Variants in C1QTNF1 observed in about 807,000 individuals in gnomAD.
C1QTNF1 encodes complement C1q tumor necrosis factor-related protein 1.
In C1QTNF1, 22 loss-of-function variants were observed where a neutral mutation model predicts 27.8. The observed-to-expected ratio is 0.79, with a 90% CI of 0.56 to 1.13. The LOEUF is 1.13. Among genes scored for constraint, C1QTNF1 ranks in the 50% most tolerant of loss-of-function variants. C1QTNF1 has a pLI of 0.00. For synonymous variants in C1QTNF1, 166 were observed against 154.3 expected, an observed-to-expected ratio of 1.08 and a Z score of -0.56; for missense variants, 373 against 380.2, an observed-to-expected ratio of 0.98 and a Z score of 0.16.
Position 79,043,948 on chromosome 17 carries a change from C to A in C1QTNF1, c.-14-7C>A. 1 of 1,613,726 alleles carries A rather than the reference C, an allele frequency of 6.2e-7. No homozygotes were observed. Among genetic ancestry groups the A allele is most frequent in the Non-Finnish European group, 8.5e-7 (1 of 1,180,010 alleles). On this transcript the variant is annotated splice_region_variant and splice_polypyrimidine_tract_variant and intron_variant, in intron 1 of 3. Transcript: ENST00000579760. ...GGTGCCTTCCCTGTGTGTTTCTTTCCCACCAGGGCCCGGCAGGAAGATGGG... is the reference window on the plus strand; with the variant it reads ...GGTGCCTTCCCTGTGTGTTTCTTTCACACCAGGGCCCGGCAGGAAGATGGG...
At chr17:79,031,648 C>T (rs1213002931) in intron 1 of C1QTNF1, among the ~76,000 whole-genome samples, 4 of 151,618 alleles carry the variant, frequency 2.6e-5, no homozygotes, top group African/African-American at 4.8e-5. Context: ...TTCACCATGT[C>T]GGCCAGGCTG....
chr17:79,027,089 G>GA (rs969077232), intron 1 of C1QTNF1, among the ~76,000 whole-genome samples: 2 of 151,332 alleles, frequency 1.3e-5, no homozygotes, highest in Non-Finnish European at 3.0e-5. Context: ...GGCGGGGGGG[G>GA]GCTGTGGCTG....
intron 1 of C1QTNF1, among the ~76,000 whole-genome samples, chr17:79,026,436 GA>G (rs2071963089): frequency 5.3e-5 from 8 of 152,202 alleles, no homozygotes; most frequent in Admixed American, 5.2e-4. Context: ...TTACAGGGGT[GA>G]GCCACCGCGC....
Position 79,048,146 on chromosome 17 carries a change from A to AGGGCTCAGCACCAGGCTGACCCCC in C1QTNF1, c.*58_*59insGGGCTCAGCACCAGGCTGACCCCC. 2.8e-6 allele frequency: 4 copies of AGGGCTCAGCACCAGGCTGACCCCC among 1,416,780 alleles called. No homozygotes were observed. Among genetic ancestry groups the AGGGCTCAGCACCAGGCTGACCCCC allele is most frequent in the South Asian group, 1.5e-5 (1 of 67,320 alleles). 87.8% of individuals were successfully genotyped at this position (1,416,780 alleles called of 1,614,324 possible). A position where few individuals can be genotyped will look rare whatever the true frequency, so the allele number is the denominator to read the frequency against. ...TCCACCCCTGCGCTGTGCTGACCCC[A>AGGGCTCAGCACCAGGCTGACCCCC]CCGCCTCTTCCCCGATCCCTGGACT... On this transcript the variant is annotated 3_prime_UTR_variant, in exon 4 of 4. Coordinates refer to ENST00000579760, the MANE Select transcript of C1QTNF1 (RefSeq NM_030968.5).
At chr17:79,040,262 C>T (rs952228927) in intron 1 of C1QTNF1, among the ~76,000 whole-genome samples, 4 of 152,126 alleles carry the variant, frequency 2.6e-5, no homozygotes, top group Non-Finnish European at 4.4e-5. Context: ...GAGTTTGAGA[C>T]GAGCCGGGGA....
chr17:79,030,755 A>T (rs1416549807), intron 1 of C1QTNF1, among the ~76,000 whole-genome samples: 2 of 151,710 alleles, frequency 1.3e-5, no homozygotes, highest in Non-Finnish European at 2.9e-5. Flanking sequence ...ACACGCCACC[A>T]CACCCAGCTA....
intron 1 of C1QTNF1, among the ~76,000 whole-genome samples, chr17:79,043,089 T>A: frequency 6.7e-6 from 1 of 148,968 alleles, no homozygotes; most frequent in African/African-American, 2.5e-5. Context: ...CATGTGTGTA[T>A]GTGTGTGCAT....
chr17:79,043,916 C>T, intron 1 of C1QTNF1, 39 bp from the exon 2 acceptor site: 1 of 1,610,410 alleles, frequency 6.2e-7, no homozygotes. Context: ...CAGCTCCTTC[C>T]TAACTCGGTG....
chr17:79,045,719 C>T (rs1180644507), intron 2 of C1QTNF1, among the ~76,000 whole-genome samples: 10 of 152,090 alleles, frequency 6.6e-5, no homozygotes, highest in African/African-American at 9.7e-5. Flanking sequence ...ACAGGGGTTT[C>T]GGTTTTGCAT....
At chr17:79,030,459 T>TTTTCTTTC (rs1218710269) in intron 1 of C1QTNF1, among the ~76,000 whole-genome samples, 2 of 135,318 alleles carry the variant, frequency 1.5e-5, no homozygotes, top group Non-Finnish European at 1.6e-5. Flanking sequence ...TCTTTCTTTC[T>TTTTCTTTC]TTTCTTTCTT....
At chr17:79,025,897 T>C (rs1472122017) in intron 1 of C1QTNF1, 6 of 431,142 alleles carry the variant, frequency 1.4e-5, no homozygotes, top group Admixed American at 7.1e-5. Flanking sequence ...ATCATCATCA[T>C]CATCACCATC....
chr17:79,033,106 AGAG>A (rs1304038571), intron 1 of C1QTNF1, among the ~76,000 whole-genome samples: 1 of 151,546 alleles, frequency 6.6e-6, no homozygotes. Flanking sequence ...CGCAGAGCAA[AGAG>A]GAGGTGTTCA....
chr17:79,047,238 C>CTTTTTTTTTT (rs372840829), intron 3 of C1QTNF1: 2 of 277,608 alleles, frequency 7.2e-6, no homozygotes, highest in African/African-American at 4.9e-5. Context: ...TTTTTCTTTT[C>CTTTTTTTTTT]TTTTTTTTTT....
chr17:79,044,231 A>G (rs1042048897), intron 2 of C1QTNF1, 108 bp downstream of exon 2: 3 of 1,282,154 alleles, frequency 2.3e-6, no homozygotes, highest in African/African-American at 3.0e-5. Flanking sequence ...TGAAGGCAAG[A>G]AAGCTGAAGC....
At chr17:79,042,917 C>T (rs530498698) in intron 1 of C1QTNF1, among the ~76,000 whole-genome samples, 39 of 152,114 alleles carry the variant, frequency 2.6e-4, no homozygotes, top group Non-Finnish European at 4.9e-4. Flanking sequence ...TGCGGGCGTG[C>T]ACGTGAGTGT....
intron 1 of C1QTNF1, among the ~76,000 whole-genome samples, chr17:79,040,133 ACT>A (rs2145914144): frequency 6.6e-6 from 1 of 152,204 alleles, no homozygotes; most frequent in East Asian, 1.9e-4. Flanking sequence ...TGCTGAGTAG[ACT>A]CTCATAGGCT....
chr17:79,025,439 C>G (rs117876483), intron 1 of C1QTNF1, among the ~76,000 whole-genome samples: 11,381 of 152,192 alleles, frequency 0.075, 517 homozygotes, highest in Middle Eastern at 0.14. Context: ...TCTACCCCAC[C>G]TAGTTTCTAG....
chr17:79,027,038 G>A (rs2071983901), intron 1 of C1QTNF1, among the ~76,000 whole-genome samples: 1 of 149,764 alleles, frequency 6.7e-6, no homozygotes, highest in African/African-American at 2.4e-5. Context: ...AGGGACTGGA[G>A]CTTCCCATTT....
rs11326108 is a variant in C1QTNF1, at chr17:79,035,435, ATTT to A, written c.-14-8507_-14-8505del. Among the ~76,000 whole-genome samples, 93 of 143,114 alleles carry A rather than the reference ATTT, an allele frequency of 6.5e-4. 1 individual carries two copies. The highest frequency in any genetic ancestry group is 2.2e-3 in the African/African-American group (85 of 39,484). 93.9% of individuals were successfully genotyped at this position (143,114 alleles called of 152,430 possible). On this transcript the variant is annotated intron_variant, in intron 1 of 3. Transcript: ENST00000579760. ...GTGTTTGAGTTCTGGGCTGAATCGT[ATTT>A]TTTTTTTTTTTTGAGACAGTCTCAC...
Sources: allele counts gnomAD v4.1 joint callset (sites outside exome capture counted in the v4.1 genomes callset), GRCh38; gene constraint gnomAD v4.1.1; transcripts MANE v1.5; gene names NCBI Gene and HGNC (gene_info 2026-07-23, HGNC 2026-07-21).